Variants in MEGF11 observed in about 807,000 individuals in gnomAD.
The protein encoded by MEGF11 is multiple epidermal growth factor-like domains protein 11.
Under a neutral mutation model 146.6 loss-of-function variants are expected in MEGF11, and 126 were observed. The observed-to-expected ratio is 0.86, with a 90% CI of 0.74 to 1.00. The LOEUF (loss-of-function observed/expected upper bound fraction) is 1.00. MEGF11 is among the 50% of genes least tolerant of loss of function. The pLI is 0.00. For missense variants in MEGF11, 1,509 were observed against 1,521.2 expected, an observed-to-expected ratio of 0.99 and a Z score of 0.13; for synonymous variants, 532 against 583.4, an observed-to-expected ratio of 0.91 and a Z score of 1.27.
At chr15:66,088,591 G>C (rs2086204438) in intron 5 of MEGF11, among the ~76,000 whole-genome samples, 1 of 152,096 alleles carries the variant, frequency 6.6e-6, no homozygotes, top group Admixed American at 6.6e-5. Context: ...GGAGGCGGAG[G>C]GTGCAGTGAA....
At chr15:66,175,310 A>T (rs1567272763) in intron 1 of MEGF11, among the ~76,000 whole-genome samples, 2 of 152,214 alleles carry the variant, frequency 1.3e-5, no homozygotes, top group Admixed American at 6.5e-5. Flanking sequence ...TCACAGAAAT[A>T]GAAAAAACAA....
At position 66,136,876 on chromosome 15, in the gene MEGF11, G is replaced by GA. The variant is rs1177013733; in HGVS notation, c.-8-8466dup. 1.2e-4 allele frequency among the ~76,000 whole-genome samples: 18 copies of GA among 151,902 alleles called. 1 individual carries two copies. The highest frequency in any genetic ancestry group is 3.4e-3 in the Middle Eastern group (1 of 294). The stretch of plus-strand genomic sequence containing the variant: ...GATCCCATCTCTACAAACAATACGG[G>GA]AAAAAAAATAGCCAGGCATGGTGGT... On this transcript the variant is annotated intron_variant, in intron 1 of 25. Transcript: ENST00000395614.
chr15:66,183,627 G>A (rs572596978), intron 1 of MEGF11, among the ~76,000 whole-genome samples: 1 of 152,166 alleles, frequency 6.6e-6, no homozygotes, highest in Non-Finnish European at 1.5e-5. Flanking sequence ...TTAACTAAGT[G>A]TAACTGACTC....
At chr15:66,024,281 C>T (rs2083257050) in intron 5 of MEGF11, among the ~76,000 whole-genome samples, 1 of 152,274 alleles carries the variant, frequency 6.6e-6, no homozygotes, top group Admixed American at 6.5e-5. Flanking sequence ...GCGCCACCAG[C>T]TCCAGAATTC....
intron 1 of MEGF11, among the ~76,000 whole-genome samples, chr15:66,185,103 T>C (rs1374603378): frequency 1.3e-5 from 2 of 152,102 alleles, no homozygotes; most frequent in African/African-American, 2.4e-5. Flanking sequence ...ACCCCATACA[T>C]ACTCGTTTCT....
chr15:66,253,123 C>T (rs547723792), intron 1 of MEGF11, among the ~76,000 whole-genome samples: 1 of 152,356 alleles, frequency 6.6e-6, no homozygotes, highest in South Asian at 2.1e-4. Context: ...CGAAAACCTG[C>T]TGCGTCCCCG....
chr15:66,130,751 A>AGGAAGGAAGGAT (rs1567257189), intron 1 of MEGF11, among the ~76,000 whole-genome samples: 3 of 151,946 alleles, frequency 2.0e-5, no homozygotes, highest in Admixed American at 6.5e-5. Flanking sequence ...GAAGGAAGGA[A>AGGAAGGAAGGAT]GGAAGGAAAT....
chr15:66,022,661 CA>C (rs2083188960), intron 5 of MEGF11, among the ~76,000 whole-genome samples: 1 of 150,424 alleles, frequency 6.6e-6, no homozygotes, highest in Non-Finnish European at 1.5e-5. Context: ...CCTATCTCCA[CA>C]AAAAATTTTT....
intron 5 of MEGF11, among the ~76,000 whole-genome samples, chr15:66,028,700 C>T (rs977715511): frequency 1.3e-5 from 2 of 152,138 alleles, no homozygotes; most frequent in African/African-American, 2.4e-5. Flanking sequence ...ACCCAACGCA[C>T]TATTATGTAG....
At chr15:66,204,527 G>A (rs16949689) in intron 1 of MEGF11, among the ~76,000 whole-genome samples, 2 of 152,076 alleles carry the variant, frequency 1.3e-5, no homozygotes, top group South Asian at 4.1e-4. Context: ...GGTAGAAAAG[G>A]CATGTGCACT....
intron 1 of MEGF11, among the ~76,000 whole-genome samples, chr15:66,199,707 T>C (rs1354588845): frequency 6.6e-6 from 1 of 152,178 alleles, no homozygotes; most frequent in Admixed American, 6.5e-5. Flanking sequence ...GAGGATTGGT[T>C]TGGCCCAGGA....
chr15:66,155,257 C>T (rs1217669660), intron 1 of MEGF11, among the ~76,000 whole-genome samples: 1 of 152,124 alleles, frequency 6.6e-6, no homozygotes, highest in South Asian at 2.1e-4. Context: ...TGGTGATGCC[C>T]CCCACCCCCC....
At chr15:66,103,545 G>C (rs1242623344) in intron 4 of MEGF11, among the ~76,000 whole-genome samples, 1 of 152,204 alleles carries the variant, frequency 6.6e-6, no homozygotes, top group Non-Finnish European at 1.5e-5. Context: ...GATGACAGTG[G>C]AGGAGGAGGA....
chr15:65,943,811 G>A (rs1402523404), intron 10 of MEGF11, among the ~76,000 whole-genome samples: 1 of 152,102 alleles, frequency 6.6e-6, no homozygotes, highest in Non-Finnish European at 1.5e-5. Context: ...CATGGTACGG[G>A]TCAAAGTCAG....
At chr15:65,927,013 G>T (rs2079393938) in intron 13 of MEGF11, among the ~76,000 whole-genome samples, 1 of 152,286 alleles carries the variant, frequency 6.6e-6, no homozygotes, top group African/African-American at 2.4e-5. Context: ...ATGAACACAG[G>T]CTGTGCAGCA....
intron 24 of MEGF11, among the ~76,000 whole-genome samples, chr15:65,900,829 C>G (rs547716085): frequency 3.9e-5 from 6 of 152,262 alleles, no homozygotes; most frequent in African/African-American, 1.2e-4. Flanking sequence ...GCATATGACT[C>G]TAGAGAGAAG....
intron 5 of MEGF11, among the ~76,000 whole-genome samples, chr15:66,020,991 C>CAAAAAAAAA (rs35364286): frequency 8.5e-5 from 6 of 70,848 alleles, no homozygotes; most frequent in African/African-American, 3.3e-4. Flanking sequence ...AACTCCATCT[C>CAAAAAAAAA]AAAAAAAAAA....
chr15:66,189,746 G>A (rs1475686963), intron 1 of MEGF11, among the ~76,000 whole-genome samples: 2 of 152,150 alleles, frequency 1.3e-5, no homozygotes, highest in African/African-American at 4.8e-5. Flanking sequence ...AGAGGCTTGC[G>A]GGGGACAAGA....
chr15:66,053,726 T>G, intron 5 of MEGF11, among the ~76,000 whole-genome samples: 1 of 138,496 alleles, frequency 7.2e-6, no homozygotes, highest in East Asian at 2.1e-4. Flanking sequence ...TTTTTTTTTT[T>G]TTTTTTTTTT....
Sources: allele counts gnomAD v4.1 joint callset (sites outside exome capture counted in the v4.1 genomes callset), GRCh38; gene constraint gnomAD v4.1.1; transcripts MANE v1.5; gene names NCBI Gene and HGNC (gene_info 2026-07-23, HGNC 2026-07-21).